The following NEO1 variants were observed in gnomAD, a reference collection of about 807,000 sequenced individuals.
NEO1 encodes the protein neogenin 1.
Under a neutral mutation model 159.7 loss-of-function variants are expected in NEO1, and 63 were observed. The observed-to-expected ratio is 0.39, with a 90% CI of 0.32 to 0.49. The LOEUF (loss-of-function observed/expected upper bound fraction) is 0.49. Among genes scored for constraint, NEO1 ranks in the 20% least tolerant of loss-of-function variants. The pLI is 0.85. For missense variants in NEO1, 1,615 were observed against 1,831.0 expected, an observed-to-expected ratio of 0.88 and a Z score of 2.15; for synonymous variants, 633 against 662.0, an observed-to-expected ratio of 0.96 and a Z score of 0.67.
At chr15:73,141,889 C>G (rs2151783780) in intron 5 of NEO1, among the ~76,000 whole-genome samples, 1 of 152,260 alleles carries the variant, frequency 6.6e-6, no homozygotes, top group South Asian at 2.1e-4. Flanking sequence ...ATACAGAGTA[C>G]ATCCAGATCC....
intron 8 of NEO1, among the ~76,000 whole-genome samples, chr15:73,239,364 T>C (rs2039374323): frequency 1.3e-5 from 2 of 152,148 alleles, no homozygotes; most frequent in Admixed American, 1.3e-4. Flanking sequence ...CATACAGATA[T>C]ATGTATGCAT....
At chr15:73,195,328 G>A (rs1426515822) in intron 7 of NEO1, among the ~76,000 whole-genome samples, 1 of 152,084 alleles carries the variant, frequency 6.6e-6, no homozygotes, top group East Asian at 1.9e-4. Context: ...GTCATAGTTG[G>A]CAAAATATCA....
intron 9 of NEO1, among the ~76,000 whole-genome samples, chr15:73,248,370 T>C (rs1391058938): frequency 2.0e-5 from 3 of 151,936 alleles, no homozygotes; most frequent in African/African-American, 7.3e-5. Flanking sequence ...CATTAGAGGG[T>C]TCTTCACTAT....
intron 7 of NEO1, among the ~76,000 whole-genome samples, chr15:73,206,471 C>G (rs1567478946): frequency 6.6e-6 from 1 of 152,082 alleles, no homozygotes; most frequent in African/African-American, 2.4e-5. Flanking sequence ...CATAAGCACT[C>G]TTTTTGGGGA....
chr15:73,227,702 A>G (rs1181901099), intron 7 of NEO1, among the ~76,000 whole-genome samples: 1 of 152,220 alleles, frequency 6.6e-6, no homozygotes, highest in Non-Finnish European at 1.5e-5. Flanking sequence ...TTTCTCAAAT[A>G]GATTTCCCAG....
intron 7 of NEO1, among the ~76,000 whole-genome samples, chr15:73,184,406 A>G (rs1343538648): frequency 2.0e-5 from 3 of 152,190 alleles, no homozygotes; most frequent in African/African-American, 7.2e-5. Flanking sequence ...AGACTACAAG[A>G]TGAGTCAAAC....
chr15:73,147,461 C>T (rs1469835767), intron 5 of NEO1, among the ~76,000 whole-genome samples: 1 of 152,224 alleles, frequency 6.6e-6, no homozygotes, highest in African/African-American at 2.4e-5. Context: ...CACCCCATTC[C>T]TCATGCCCAG....
At chr15:73,228,346 A>G (rs970959191) in intron 7 of NEO1, among the ~76,000 whole-genome samples, 2 of 150,612 alleles carry the variant, frequency 1.3e-5, no homozygotes, top group African/African-American at 4.9e-5. Flanking sequence ...TGTCATTTTC[A>G]TGTGCTTATT....
intron 5 of NEO1, among the ~76,000 whole-genome samples, chr15:73,165,183 G>A (rs141960837): frequency 4.9e-4 from 74 of 149,938 alleles, no homozygotes; most frequent in African/African-American, 1.7e-3. Context: ...AAGTGTGTGT[G>A]TATATGTGAT....
chr15:73,056,202 C>A (rs1158236010), intron 1 of NEO1, among the ~76,000 whole-genome samples: 1 of 152,244 alleles, frequency 6.6e-6, no homozygotes, highest in Non-Finnish European at 1.5e-5. Context: ...TAACATGCAC[C>A]TTGCATTCCA....
rs748842380 is a variant in NEO1 at position 73,253,393 on chromosome 15, T to G, written c.1895-7T>G. The G allele has an allele frequency of 1.9e-6, 3 of 1,553,290 alleles. No individual in the cohort carries two copies. The highest frequency in any genetic ancestry group is 2.3e-5 in the East Asian group (1 of 44,438). ...AAAAAATTTTTTTTTTTTTTTTGTT[T>G]CTCTAGTTCCCAGTGCTGCTCCTCA... On this transcript the variant is annotated splice_region_variant and splice_polypyrimidine_tract_variant and intron_variant, in intron 11 of 28. Coordinates refer to ENST00000261908, the MANE Select transcript of NEO1 (RefSeq NM_002499.4).
intron 15 of NEO1, among the ~76,000 whole-genome samples, chr15:73,261,795 A>G (rs1308121739): frequency 1.3e-5 from 2 of 152,206 alleles, no homozygotes; most frequent in Non-Finnish European, 2.9e-5. Context: ...GCTGATTCTA[A>G]TAATTTTTAT....
rs368957220 is a variant in NEO1, at chr15:73,288,304, C to T, written c.3411-9C>T. On this transcript the variant is annotated splice_polypyrimidine_tract_variant and intron_variant, in intron 23 of 28. Transcript: ENST00000261908. ...ACTTTTTAAAAGCTCCTCTGAACTTCGTGCCTAGGAAACGAGCTGCCTGCA... is the reference window on the plus strand; with the variant it reads ...ACTTTTTAAAAGCTCCTCTGAACTTTGTGCCTAGGAAACGAGCTGCCTGCA... The T allele has an allele frequency of 6.2e-6, 10 of 1,607,820 alleles. No individual in the cohort carries two copies. In the African/African-American group the frequency reaches 9.4e-5, roughly 15 times the overall value.
At chr15:73,156,878 C>A (rs573391654) in intron 5 of NEO1, among the ~76,000 whole-genome samples, 1 of 152,104 alleles carries the variant, frequency 6.6e-6, no homozygotes, top group Non-Finnish European at 1.5e-5. Context: ...CCTTCCTTGA[C>A]GGGGGTGGCA....
At chr15:73,242,685 A>G (rs1436840241) in intron 8 of NEO1, among the ~76,000 whole-genome samples, 1 of 152,178 alleles carries the variant, frequency 6.6e-6, no homozygotes, top group Non-Finnish European at 1.5e-5. Flanking sequence ...AAACAAACAA[A>G]AAAATCTTAA....
Position 73,059,384 on chromosome 15 carries a change from A to G in NEO1, c.130+6579A>G, listed in dbSNP as rs143510085. On this transcript the variant is annotated intron_variant, in intron 1 of 28. Transcript: ENST00000261908. The stretch of plus-strand genomic sequence containing the variant: ...CTTTTTTAAAGAACCATTAGAAATA[A>G]CCTTCTTTAAAATTATTTCATAGCG... Among the ~76,000 whole-genome samples, 484 of 152,242 alleles carry G rather than the reference A, an allele frequency of 3.2e-3. 2 individuals are homozygous for G. The highest frequency in any genetic ancestry group is 5.0e-3 in the Non-Finnish European group (342 of 68,010).
At position 73,260,273 on chromosome 15, in the gene NEO1, A is replaced by G. The variant is rs1483744379; in HGVS notation, c.2206A>G (p.Thr736Ala). ...GCTTTTCCACTTTTCCTTCCCAGAA[A>G]CTCGTGTTCCTGAAGTGCCTAGCTC... The part of the protein sequence containing the change: ...AETFESDLDE[T>A]RVPEVPSSLH... Residue 736 changes from threonine (T) to alanine (A), a missense_variant and splice_region_variant, in exon 15 of 29, where the codon ACT becomes GCT. Physicochemically the swap from Thr to Ala is moderately conservative, Grantham distance 58 (BLOSUM62 0). This residue lies in a region of NEO1 where 1,018 missense variants were observed against 1,115.4 expected (regional missense o/e 0.91). Coordinates refer to ENST00000261908, the MANE Select transcript of NEO1 (RefSeq NM_002499.4). 1.9e-5 allele frequency: 31 copies of G among 1,604,700 alleles called. No individual in the cohort carries two copies. Among genetic ancestry groups the G allele is most frequent in the Non-Finnish European group, 2.6e-5 (30 of 1,175,914 alleles).
Position 73,122,735 on chromosome 15 carries a change from G to A in NEO1, c.659G>A (p.Arg220His), listed in dbSNP as rs183676997. 188 of 1,614,154 alleles carry A rather than the reference G, an allele frequency of 1.2e-4. No homozygotes were observed. The East Asian group carries it at 4.0e-3, about 34-fold the overall frequency. Residue 220 changes from arginine (R) to histidine (H), a missense_variant, in exon 3 of 29, where the codon CGC becomes CAC. Physicochemically the swap from Arg to His is conservative, Grantham distance 29 (BLOSUM62 0). This residue lies in a region of NEO1 where 1,018 missense variants were observed against 1,115.4 expected (regional missense o/e 0.91). Coordinates refer to ENST00000261908, the MANE Select transcript of NEO1 (RefSeq NM_002499.4). ...ACTGAAGGAGATGGCGGGCTTTATCGCTGCGTAGTGGAAAGTGGTGGGCCA... is the reference window on the plus strand; with the variant it reads ...ACTGAAGGAGATGGCGGGCTTTATCACTGCGTAGTGGAAAGTGGTGGGCCA... ...NATEGDGGLY[R>H]CVVESGGPPK... is the part of the protein sequence containing the mutation.
rs748463451 is a variant in NEO1, at chr15:73,178,337, G to T, written c.1201G>T (p.Val401Leu). ...ACATAATCTTCAAGTTTTGGGTCTG[G>T]TGAAATCAGATGAAGGGTTCTATCA... ...KEHNLQVLGL[V>L]KSDEGFYQCI... Residue 401 changes from valine (V) to leucine (L), a missense_variant, in exon 7 of 29, where the codon GTG becomes TTG. Around this residue, in one of 3 missense-constraint regions of NEO1, gnomAD observed 1,018 missense variants for 1,115.4 expected, o/e 0.91. Transcript: ENST00000261908. 8 of 1,613,336 alleles carry T rather than the reference G, an allele frequency of 5.0e-6. No individual in the cohort carries two copies. In the Admixed American group the frequency reaches 1.3e-4, roughly 27 times the overall value.
Sources: gnomAD v4.1 joint callset for allele counts (sites outside exome capture counted in the v4.1 genomes callset) on GRCh38, gnomAD v4.1.1 for gene constraint, gnomAD v4.1.1 regional missense constraint, MANE v1.5 for transcripts, NCBI Gene and HGNC (gene_info 2026-07-23, HGNC 2026-07-21) for gene names.